The following EYS variants were observed in gnomAD, a reference collection of about 807,000 sequenced individuals.
EYS encodes the protein EGF-like photoreceptor maintenance factor, also known as protein eyes shut homolog.
In EYS, 250 loss-of-function variants were observed where a neutral mutation model predicts 282.1. That is an observed-to-expected ratio of 0.89 (90% CI 0.80 to 0.98). EYS has a LOEUF of 0.98. Ranked by LOEUF, EYS falls within the 50% of genes least tolerant of loss-of-function variation. The pLI, the probability that EYS is intolerant of heterozygous loss-of-function variation, is 0.00. For synonymous variants in EYS, 1,355 were observed against 1,282.9 expected, an observed-to-expected ratio of 1.06 and a Z score of -1.20; for missense variants, 4,016 against 3,709.0, an observed-to-expected ratio of 1.08 and a Z score of -2.15.
At chr6:64,948,194 A>C (rs1451569822) in intron 14 of EYS, among the ~76,000 whole-genome samples, 1 of 151,494 alleles carries the variant, frequency 6.6e-6, no homozygotes, top group African/African-American at 2.4e-5. Context: ...AATTTAAAAA[A>C]TTAAAATTTA....
intron 26 of EYS, among the ~76,000 whole-genome samples, chr6:64,589,356 C>T (rs2149830273): frequency 6.6e-6 from 1 of 152,026 alleles, no homozygotes; most frequent in Admixed American, 6.6e-5. Context: ...AAACACACAA[C>T]CATACATACA....
intron 26 of EYS, among the ~76,000 whole-genome samples, chr6:64,480,079 G>A (rs1776390735): frequency 1.3e-5 from 2 of 151,870 alleles, no homozygotes; most frequent in Admixed American, 6.6e-5. Context: ...CAAGCGAGTA[G>A]TAATTGTTCT....
intron 22 of EYS, among the ~76,000 whole-genome samples, chr6:64,759,379 AG>A (rs1285748138): frequency 5.3e-5 from 8 of 152,302 alleles, no homozygotes; most frequent in Admixed American, 2.6e-4. Context: ...ACTTATTTTT[AG>A]GTATTTGTAA....
At chr6:63,739,859 AT>A (rs34240759) in intron 41 of EYS, among the ~76,000 whole-genome samples, 61,513 of 123,494 alleles carry the variant, frequency 0.5, 15,059 homozygotes, top group African/African-American at 0.63. Flanking sequence ...ACGCCCAGCT[AT>A]TTTTTTTTTT....
At chr6:65,680,115 C>CAA (rs1491144987) in intron 1 of EYS, among the ~76,000 whole-genome samples, 1 of 149,444 alleles carries the variant, frequency 6.7e-6, no homozygotes, top group Non-Finnish European at 1.5e-5. Flanking sequence ...CACACACACA[C>CAA]AAAGCAAATG....
intron 29 of EYS, among the ~76,000 whole-genome samples, chr6:64,375,416 G>A (rs1320869995): frequency 6.6e-6 from 1 of 152,210 alleles, no homozygotes; most frequent in African/African-American, 2.4e-5. Flanking sequence ...AGAGCTTAAG[G>A]ACAGTGTGAA....
intron 12 of EYS, among the ~76,000 whole-genome samples, chr6:65,071,484 T>C (rs1419936449): frequency 6.6e-6 from 1 of 151,810 alleles, no homozygotes; most frequent in Non-Finnish European, 1.5e-5. Context: ...AATGCCCATC[T>C]AATAACAGGC....
intron 42 of EYS, among the ~76,000 whole-genome samples, chr6:63,722,711 A>G (rs1179633296): frequency 1.3e-5 from 2 of 152,278 alleles, no homozygotes; most frequent in Admixed American, 6.5e-5. Context: ...GATATTCGGC[A>G]TTATGCTACA....
chr6:64,079,751 T>A (rs1000988485), intron 32 of EYS, among the ~76,000 whole-genome samples: 7 of 152,124 alleles, frequency 4.6e-5, no homozygotes, highest in African/African-American at 1.7e-4. Context: ...GGCCCCTGTG[T>A]GTGATGTTCC....
chr6:65,026,728 T>TA (rs1772420593), intron 13 of EYS, among the ~76,000 whole-genome samples: 1 of 152,040 alleles, frequency 6.6e-6, no homozygotes, highest in South Asian at 2.1e-4. Context: ...CTGTCCTGGC[T>TA]AACACAGTGA....
At chr6:64,149,266 C>T (rs563492415) in intron 31 of EYS, among the ~76,000 whole-genome samples, 34 of 152,280 alleles carry the variant, frequency 2.2e-4, no homozygotes, top group African/African-American at 7.5e-4. Flanking sequence ...TTGTGGGCTT[C>T]TGAAAGCTAT....
chr6:65,311,652 G>A (rs1228634081), intron 11 of EYS, among the ~76,000 whole-genome samples: 7 of 152,170 alleles, frequency 4.6e-5, no homozygotes, highest in Admixed American at 1.3e-4. Context: ...ATTCTGATAT[G>A]ACAGTTGAGT....
intron 19 of EYS, among the ~76,000 whole-genome samples, chr6:64,840,304 G>A (rs1371952105): frequency 1.3e-5 from 2 of 151,944 alleles, no homozygotes; most frequent in African/African-American, 4.8e-5. Context: ...TGTAACATGT[G>A]CAATAAAATT....
chr6:63,988,024 TTTC>T (rs1168472352), intron 34 of EYS, among the ~76,000 whole-genome samples: 23 of 151,592 alleles, frequency 1.5e-4, no homozygotes, highest in African/African-American at 5.3e-4. Context: ...TTCCTGAGTA[TTTC>T]TTCTTATTTA....
At chr6:63,746,572 G>A (rs570972266) in intron 41 of EYS, among the ~76,000 whole-genome samples, 63 of 152,262 alleles carry the variant, frequency 4.1e-4, no homozygotes, top group African/African-American at 1.4e-3. Flanking sequence ...TTTTTGGTTG[G>A]TAGTCTATTA....
chr6:64,374,246 G>A (rs1429262548), intron 29 of EYS, among the ~76,000 whole-genome samples: 3 of 149,136 alleles, frequency 2.0e-5, no homozygotes, highest in Non-Finnish European at 4.5e-5. Flanking sequence ...GGGCCTGGGG[G>A]TTGGAGCAAT....
At chr6:65,620,676 T>C (rs1766441010) in intron 2 of EYS, among the ~76,000 whole-genome samples, 3 of 151,050 alleles carry the variant, frequency 2.0e-5, no homozygotes, top group Middle Eastern at 6.8e-3. Flanking sequence ...TCCTGCTTTC[T>C]CTTGTGGGCA....
intron 35 of EYS, among the ~76,000 whole-genome samples, chr6:63,916,733 G>A (rs987144293): frequency 6.6e-6 from 1 of 152,138 alleles, no homozygotes; most frequent in Non-Finnish European, 1.5e-5. Context: ...TTGATGAAAT[G>A]CAATTATCTT....
At chr6:64,547,213 G>A (rs1764902734) in intron 26 of EYS, among the ~76,000 whole-genome samples, 1 of 152,128 alleles carries the variant, frequency 6.6e-6, no homozygotes, top group African/African-American at 2.4e-5. Flanking sequence ...AGCTTCCACA[G>A]TGTGGAAGGG....
Sources: allele counts gnomAD v4.1 joint callset (sites outside exome capture counted in the v4.1 genomes callset), GRCh38; gene constraint gnomAD v4.1.1; transcripts MANE v1.5; gene names NCBI Gene and HGNC (gene_info 2026-07-23, HGNC 2026-07-21).